Variants in KCNJ6 observed in about 807,000 individuals in gnomAD.
The protein encoded by KCNJ6 is potassium inwardly rectifying channel subfamily J member 6.
KCNJ6 carries 9 observed loss-of-function variants against 34.2 expected under a neutral mutation model. That is an observed-to-expected ratio of 0.26 (90% CI 0.16 to 0.46). KCNJ6 has a LOEUF of 0.46. Among genes scored for constraint, KCNJ6 ranks in the 20% least tolerant of loss-of-function variants. The pLI is 1.00. For synonymous variants in KCNJ6, 196 were observed against 207.1 expected, an observed-to-expected ratio of 0.95 and a Z score of 0.46; for missense variants, 236 against 531.3, an observed-to-expected ratio of 0.44 and a Z score of 5.46.
chr21:37,792,884 G>A (rs2055223395), intron 2 of KCNJ6, among the ~76,000 whole-genome samples: 1 of 152,132 alleles, frequency 6.6e-6, no homozygotes, highest in African/African-American at 2.4e-5. Context: ...TTGGTTCCTG[G>A]AAGTTCTGCT....
At chr21:37,828,454 TCA>T (rs1442947940) in intron 2 of KCNJ6, among the ~76,000 whole-genome samples, 2 of 152,176 alleles carry the variant, frequency 1.3e-5, no homozygotes, top group Non-Finnish European at 2.9e-5. Context: ...CTGTCCCAGC[TCA>T]CACACCTGTC....
At chr21:37,673,881 C>A (rs1232002088) in intron 3 of KCNJ6, among the ~76,000 whole-genome samples, 1 of 152,114 alleles carries the variant, frequency 6.6e-6, no homozygotes, top group East Asian at 1.9e-4. Flanking sequence ...TCGGAGACAC[C>A]TGGAGGAGCC....
intron 2 of KCNJ6, among the ~76,000 whole-genome samples, chr21:37,782,792 C>G (rs861416): frequency 6.6e-6 from 1 of 152,162 alleles, no homozygotes; most frequent in Non-Finnish European, 1.5e-5. Flanking sequence ...GGATATTTAT[C>G]TACACTCAGG....
At chr21:37,745,115 G>A (rs1783055) in intron 2 of KCNJ6, among the ~76,000 whole-genome samples, 1 of 110,432 alleles carries the variant, frequency 9.1e-6, no homozygotes, top group Admixed American at 1.2e-4. Flanking sequence ...TTTTTTGACA[G>A]ACAGGGTCTT....
intron 1 of KCNJ6, among the ~76,000 whole-genome samples, chr21:37,872,602 A>G (rs549253101): frequency 5.0e-4 from 76 of 152,138 alleles, no homozygotes; most frequent in African/African-American, 1.7e-3. Flanking sequence ...TCCCTCAATC[A>G]ATTTTTCTCC....
intron 3 of KCNJ6, among the ~76,000 whole-genome samples, chr21:37,625,978 AC>A (rs1044945274): frequency 6.6e-5 from 10 of 151,762 alleles, no homozygotes; most frequent in African/African-American, 2.4e-4. Context: ...GATCAGTGTT[AC>A]CCTCCCACCT....
At chr21:37,895,237 A>T (rs1329840315) in intron 1 of KCNJ6, among the ~76,000 whole-genome samples, 5 of 152,246 alleles carry the variant, frequency 3.3e-5, no homozygotes, top group Admixed American at 6.5e-5. Context: ...TCAGGAGGCA[A>T]CACGGCTTTG....
intron 1 of KCNJ6, among the ~76,000 whole-genome samples, chr21:37,872,324 G>T (rs948228573): frequency 6.6e-6 from 1 of 152,168 alleles, no homozygotes; most frequent in Non-Finnish European, 1.5e-5. Context: ...CTAATAACAT[G>T]CCTAGAAATA....
intron 1 of KCNJ6, among the ~76,000 whole-genome samples, chr21:37,884,416 C>T (rs905333464): frequency 6.6e-6 from 1 of 152,162 alleles, no homozygotes; most frequent in African/African-American, 2.4e-5. Context: ...TGCATCTCAG[C>T]TTCCTGCCTC....
chr21:37,768,246 C>T (rs1021586520), intron 2 of KCNJ6, among the ~76,000 whole-genome samples: 2 of 152,078 alleles, frequency 1.3e-5, no homozygotes, highest in African/African-American at 2.4e-5. Context: ...GTCAGTCAGG[C>T]CATCTCCTGT....
intron 3 of KCNJ6, among the ~76,000 whole-genome samples, chr21:37,706,318 AT>A (rs2054719350): frequency 6.6e-6 from 1 of 152,278 alleles, no homozygotes; most frequent in African/African-American, 2.4e-5. Context: ...TTTCAAAACC[AT>A]GAGGCGATCT....
chr21:37,828,282 C>T lies in KCNJ6; in HGVS notation c.25+12376G>A, dbSNP rs934042334. ...GTGATGTTTTTACTGCTGAACATCCCGGACGCCTTGACTTTTTCCTCTCTG... is the reference window on the plus strand; with the variant it reads ...GTGATGTTTTTACTGCTGAACATCCTGGACGCCTTGACTTTTTCCTCTCTG... On this transcript the variant is annotated intron_variant, in intron 2 of 3. Coordinates refer to ENST00000609713, the MANE Select transcript of KCNJ6 (RefSeq NM_002240.5). 7.2e-5 allele frequency among the ~76,000 whole-genome samples: 11 copies of T among 152,256 alleles called. No homozygotes were observed. The South Asian group carries it at 8.3e-4, about 11-fold the overall frequency.
intron 1 of KCNJ6, among the ~76,000 whole-genome samples, chr21:37,853,287 A>T (rs1471950019): frequency 6.6e-6 from 1 of 152,152 alleles, no homozygotes; most frequent in Non-Finnish European, 1.5e-5. Flanking sequence ...AGCCAGGGAG[A>T]AGTAGTGCAT....
rs60129538 is a variant in KCNJ6, at chr21:37,864,865, C to G, written c.-27-24156G>C. On this transcript the variant is annotated intron_variant, in intron 1 of 3. Coordinates refer to ENST00000609713, the MANE Select transcript of KCNJ6 (RefSeq NM_002240.5). ...CAGTCCCCATTCTCCCCATCTGTCT[C>G]TCTCTCTTTTTTTTTTTTTTTTTGA... 5.3e-3 allele frequency among the ~76,000 whole-genome samples: 770 copies of G among 144,380 alleles called. 5 individuals carry two copies. Among genetic ancestry groups the G allele is most frequent in the African/African-American group, 0.02 (749 of 36,672 alleles). The allele number at this position is 144,380 out of a possible 152,430, so 94.7% of individuals were successfully genotyped here. A position where few individuals can be genotyped will look rare whatever the true frequency, so the allele number is the denominator to read the frequency against.
chr21:37,735,636 T>C (rs1275144335), intron 2 of KCNJ6, among the ~76,000 whole-genome samples: 1 of 151,686 alleles, frequency 6.6e-6, no homozygotes, highest in East Asian at 1.9e-4. Context: ...CCCTTGAGAG[T>C]GATGTGTATG....
intron 2 of KCNJ6, among the ~76,000 whole-genome samples, chr21:37,733,123 C>G (rs2054894548): frequency 6.6e-6 from 1 of 152,216 alleles, no homozygotes; most frequent in Non-Finnish European, 1.5e-5. Flanking sequence ...GCATTTTGAA[C>G]AAATTAATGC....
chr21:37,638,133 G>A (rs1156316931), intron 3 of KCNJ6, among the ~76,000 whole-genome samples: 1 of 152,124 alleles, frequency 6.6e-6, no homozygotes, highest in African/African-American at 2.4e-5. Context: ...GAGACCACAT[G>A]TTAATTTTGA....
In KCNJ6 at chr21:37,777,710, C is replaced by G. The variant is rs190495128; in HGVS notation, c.26-62579G>C. Among the ~76,000 whole-genome samples, 322 of 152,314 alleles carry G rather than the reference C, an allele frequency of 2.1e-3. 1 individual carries two copies. Among genetic ancestry groups the G allele is most frequent in the African/African-American group, 7.2e-3 (301 of 41,572 alleles). Reference sequence around the variant, plus strand: ...TTGGCCAACATATCAGGCGTCACTTCTGGAAGTCATATAACACAAGTCTTG... The same window carrying G: ...TTGGCCAACATATCAGGCGTCACTTGTGGAAGTCATATAACACAAGTCTTG... On this transcript the variant is annotated intron_variant, in intron 2 of 3. Transcript: ENST00000609713.
chr21:37,776,917 G>A (rs964230741), intron 2 of KCNJ6, among the ~76,000 whole-genome samples: 1 of 152,242 alleles, frequency 6.6e-6, no homozygotes, highest in African/African-American at 2.4e-5. Flanking sequence ...AGTTTCAGAA[G>A]GAATGGTACC....
Sources: allele counts gnomAD v4.1 joint callset (sites outside exome capture counted in the v4.1 genomes callset), GRCh38; gene constraint gnomAD v4.1.1; transcripts MANE v1.5; gene names NCBI Gene and HGNC (gene_info 2026-07-23, HGNC 2026-07-21).